PARVA: variants seen among roughly 807,000 people sequenced by gnomAD.
The protein encoded by PARVA is parvin alpha.
Under a neutral mutation model 52.6 loss-of-function variants are expected in PARVA, and 25 were observed. The observed-to-expected ratio is 0.48, with a 90% CI of 0.35 to 0.66. PARVA has a LOEUF of 0.66. Ranked by LOEUF, PARVA falls within the 30% of genes least tolerant of loss-of-function variation. The pLI is 0.01. For missense variants in PARVA, 373 were observed against 450.9 expected (o/e 0.83, Z 1.56); for synonymous variants, 185 against 179.1 (o/e 1.03, Z -0.26).
chr11:12,382,111 A>G (rs753358978), intron 1 of PARVA, among the ~76,000 whole-genome samples: 2 of 152,212 alleles, frequency 1.3e-5, no homozygotes, highest in Non-Finnish European at 2.9e-5. Context: ...TGAGCTCACC[A>G]CAATAGCAAC....
chr11:12,448,278 C>T (rs575871454), intron 1 of PARVA, among the ~76,000 whole-genome samples: 11 of 152,224 alleles, frequency 7.2e-5, no homozygotes, highest in South Asian at 4.2e-4. Context: ...CTGGCCTGCA[C>T]GCTAATGGGG....
At chr11:12,409,383 A>G (rs1589946659) in intron 1 of PARVA, among the ~76,000 whole-genome samples, 1 of 152,086 alleles carries the variant, frequency 6.6e-6, no homozygotes, top group Non-Finnish European at 1.5e-5. Context: ...TAATCCCTGG[A>G]ATTGTAGGTA....
At chr11:12,380,676 G>C (rs1000208111) in intron 1 of PARVA, among the ~76,000 whole-genome samples, 1 of 150,514 alleles carries the variant, frequency 6.6e-6, no homozygotes. Context: ...AGACCCGCTC[G>C]AAGTGAGCTC....
In PARVA at chr11:12,528,864, G is replaced by C. The variant is rs1460387136; in HGVS notation, c.*939G>C. On this transcript the variant is annotated 3_prime_UTR_variant, in exon 13 of 13. Coordinates refer to ENST00000334956, the MANE Select transcript of PARVA (RefSeq NM_018222.5). The stretch of plus-strand genomic sequence containing the variant: ...TGGTTTCAGGGTGACATTTGGGAAG[G>C]ATTTTGTTTAGAATTAATGGAGTGG... 1 of 152,640 alleles carries C rather than the reference G, an allele frequency of 6.6e-6. No individual in the cohort carries two copies. The highest frequency in any genetic ancestry group is 1.5e-5 in the Non-Finnish European group (1 of 68,034). 9.5% of individuals were successfully genotyped at this position (152,640 alleles called of 1,614,324 possible).
intron 1 of PARVA, among the ~76,000 whole-genome samples, chr11:12,448,915 T>C (rs1265720180): frequency 8.5e-5 from 13 of 152,210 alleles, no homozygotes; most frequent in Non-Finnish European, 1.9e-4. Flanking sequence ...CTCCCTTCTC[T>C]CTGTCTGTTA....
chr11:12,381,982 A>C (rs1939495881), intron 1 of PARVA, among the ~76,000 whole-genome samples: 1 of 152,242 alleles, frequency 6.6e-6, no homozygotes, highest in African/African-American at 2.4e-5. Flanking sequence ...AGCATGAAAA[A>C]TATGCGAGAA....
At chr11:12,479,767 G>T (rs1941062144) in intron 4 of PARVA, 1 of 152,132 alleles carries the variant, frequency 6.6e-6, no homozygotes, top group Non-Finnish European at 1.5e-5. Context: ...ATACATACAT[G>T]TAAGTATATA....
intron 8 of PARVA, 191 bp from the exon 9 acceptor site, chr11:12,513,108 C>T (rs1319241464): frequency 1.4e-6 from 1 of 700,440 alleles, no homozygotes; most frequent in Admixed American, 2.0e-5. Flanking sequence ...CACAGGCTCC[C>T]AGGGTGAGAA....
chr11:12,376,584 G>C (rs1939392059), upstream of PARVA: 1 of 175,714 alleles, frequency 5.7e-6, no homozygotes, highest in Non-Finnish European at 1.1e-5. Flanking sequence ...CAGTAAAGCA[G>C]TAGCGCCCTT....
At chr11:12,503,263 C>G (rs933935) in intron 5 of PARVA, among the ~76,000 whole-genome samples, 141,482 of 152,214 alleles carry the variant, frequency 0.93, 66,598 homozygotes, top group South Asian at 1. Flanking sequence ...AGCCCTGAAC[C>G]AAGGAAGAGA....
chr11:12,464,922 G>A (rs374750503), intron 1 of PARVA, among the ~76,000 whole-genome samples: 5 of 152,224 alleles, frequency 3.3e-5, no homozygotes, highest in Non-Finnish European at 4.4e-5. Flanking sequence ...GGTTAGTTTC[G>A]GGATGAAACT....
intron 4 of PARVA, among the ~76,000 whole-genome samples, chr11:12,488,598 C>T (rs1272113029): frequency 1.9e-4 from 29 of 152,070 alleles, no homozygotes; most frequent in Admixed American, 1.9e-3. Flanking sequence ...CTTGAAAGGG[C>T]AACTCTTTCA....
chr11:12,474,004 G>C lies in PARVA; in HGVS notation c.297+21G>C, dbSNP rs760315692. 11 of 1,553,104 alleles carry C rather than the reference G, an allele frequency of 7.1e-6. No homozygotes were observed. The Admixed American group carries it at 1.5e-4, about 22-fold the overall frequency. On this transcript the variant is annotated intron_variant, in intron 3 of 12. Coordinates refer to ENST00000334956, the MANE Select transcript of PARVA (RefSeq NM_018222.5). Reference sequence around the variant, plus strand: ...TGAAGGTAAGAAGAAATCAGGAGCGGCTTCAGGTGCCTCACTGACCCACCA... The same window carrying C: ...TGAAGGTAAGAAGAAATCAGGAGCGCCTTCAGGTGCCTCACTGACCCACCA...
chr11:12,473,706 G>A (rs377359691), intron 1 of PARVA, 39 bp from the exon 2 acceptor site: 116 of 1,481,088 alleles, frequency 7.8e-5, no homozygotes, highest in Middle Eastern at 1.7e-4. Flanking sequence ...CCTGCCGTCC[G>A]TCAGCTGAAA....
intron 4 of PARVA, among the ~76,000 whole-genome samples, chr11:12,481,284 A>G (rs900475314): frequency 1.3e-5 from 2 of 152,136 alleles, no homozygotes; most frequent in Admixed American, 6.5e-5. Flanking sequence ...CTATTTATTT[A>G]TATCACTATG....
chr11:12,534,041 G>A lies in PARVA; in HGVS notation c.*6116G>A, dbSNP rs1335907474. 6.6e-6 allele frequency among the ~76,000 whole-genome samples: 1 copy of A among 152,090 alleles called. No individual in the cohort carries two copies. Among genetic ancestry groups the A allele is most frequent in the African/African-American group, 2.4e-5 (1 of 41,398 alleles). ...AAATTAGCCAGGTGTGGTGGTGCGTGCCTGTAATCCCAGCTACTCAGGGGG... is the reference window on the plus strand; with the variant it reads ...AAATTAGCCAGGTGTGGTGGTGCGTACCTGTAATCCCAGCTACTCAGGGGG... On this transcript the variant is annotated 3_prime_UTR_variant, in exon 13 of 13. Coordinates refer to ENST00000334956, the MANE Select transcript of PARVA (RefSeq NM_018222.5).
At chr11:12,388,375 G>A (rs56939222) in intron 1 of PARVA, among the ~76,000 whole-genome samples, 11,178 of 152,264 alleles carry the variant, frequency 0.073, 739 homozygotes, top group African/African-American at 0.17. Context: ...AAACCGACAC[G>A]TGACCAGTGT....
Position 12,534,844 on chromosome 11 carries a change from T to C in PARVA, c.*6919T>C, listed in dbSNP as rs1165341880. Among the ~76,000 whole-genome samples the C allele has an allele frequency of 6.6e-6, 1 of 152,234 alleles. No homozygotes were observed. Among genetic ancestry groups the C allele is most frequent in the Non-Finnish European group, 1.5e-5 (1 of 68,042 alleles). ...CCTGCCCTTGGCAAATATATGTTGG[T>C]GTATCTGAAAAACAGCTCCTGGAAG... On this transcript the variant is annotated 3_prime_UTR_variant, in exon 13 of 13. Coordinates refer to ENST00000334956, the MANE Select transcript of PARVA (RefSeq NM_018222.5).
chr11:12,394,289 A>G (rs1178032444), intron 1 of PARVA, among the ~76,000 whole-genome samples: 4 of 152,182 alleles, frequency 2.6e-5, no homozygotes, highest in Non-Finnish European at 5.9e-5. Flanking sequence ...AAGCCACCAG[A>G]GACACAATTC....
Sources: allele counts gnomAD v4.1 joint callset (sites outside exome capture counted in the v4.1 genomes callset), GRCh38; gene constraint gnomAD v4.1.1; transcripts MANE v1.5; gene names NCBI Gene and HGNC (gene_info 2026-07-23, HGNC 2026-07-21).